FAF1: variants seen among roughly 807,000 people sequenced by gnomAD.
The protein encoded by FAF1 is FAS-associated factor 1.
A neutral mutation model predicts 92.5 loss-of-function variants in FAF1; 25 were observed. That is an observed-to-expected ratio of 0.27 (90% confidence interval 0.20 to 0.38). The LOEUF (loss-of-function observed/expected upper bound fraction) is 0.38. Ranked by LOEUF, FAF1 falls within the 10% of genes least tolerant of loss-of-function variation. The pLI, the probability that FAF1 is intolerant of heterozygous loss-of-function variation, is 1.00. For missense variants in FAF1, 636 were observed against 793.3 expected (o/e 0.80, Z 2.38); for synonymous variants, 234 against 273.2 (o/e 0.86, Z 1.42).
Position 50,695,901 on chromosome 1 carries a change from G to A in FAF1, c.657+9885C>T, listed in dbSNP as rs372170192. The stretch of plus-strand genomic sequence containing the variant: ...TGACCTCAGGTGATCCATTCGCCTC[G>A]TCCTCCCAAAGTACTGGGATTACAG... On this transcript the variant is annotated intron_variant, in intron 7 of 18. Coordinates refer to ENST00000396153, the MANE Select transcript of FAF1 (RefSeq NM_007051.3). Among the ~76,000 whole-genome samples, 29 of 149,932 alleles carry A rather than the reference G, an allele frequency of 1.9e-4. No individual in the cohort carries two copies. The East Asian group carries it at 3.5e-3, about 18-fold the overall frequency.
At chr1:50,937,561 T>C (rs1302333178) in intron 1 of FAF1, among the ~76,000 whole-genome samples, 2 of 152,108 alleles carry the variant, frequency 1.3e-5, no homozygotes, top group African/African-American at 4.8e-5. Context: ...AGAAGGGATT[T>C]CAGCCCTGGG....
rs187755800 is a variant in FAF1 at position 50,676,714 on chromosome 1, C to T, written c.658-21186G>A. On this transcript the variant is annotated intron_variant, in intron 7 of 18. Transcript: ENST00000396153. ...GCAGGTGCCTGTGATCTTAGCTACT[C>T]GGGAGGCTGAGGCAGGAGAATCGCT... 1.5e-3 allele frequency among the ~76,000 whole-genome samples: 224 copies of T among 151,924 alleles called. 1 individual carries two copies. The highest frequency in any genetic ancestry group is 5.0e-3 in the African/African-American group (206 of 41,438).
intron 9 of FAF1, among the ~76,000 whole-genome samples, chr1:50,593,125 C>T (rs1315149463): frequency 6.6e-6 from 1 of 152,000 alleles, no homozygotes; most frequent in Non-Finnish European, 1.5e-5. Context: ...GGGCAAAACT[C>T]CTAATAATAA....
chr1:50,812,465 A>G (rs1447261502), intron 2 of FAF1, among the ~76,000 whole-genome samples: 2 of 152,216 alleles, frequency 1.3e-5, no homozygotes, highest in Admixed American at 1.3e-4. Flanking sequence ...CAGAAAGCAT[A>G]CGAAAAAATG....
At chr1:50,678,448 C>G (rs756895745) in intron 7 of FAF1, among the ~76,000 whole-genome samples, 18 of 152,096 alleles carry the variant, frequency 1.2e-4, no homozygotes, top group Non-Finnish European at 2.5e-4. Flanking sequence ...ATTTTCTTCT[C>G]CAGATCTTTC....
intron 1 of FAF1, among the ~76,000 whole-genome samples, chr1:50,879,795 A>C (rs931934538): frequency 6.6e-6 from 1 of 152,188 alleles, no homozygotes; most frequent in Non-Finnish European, 1.5e-5. Context: ...GGGGTCCAGT[A>C]ATCTGTGTTT....
intron 2 of FAF1, among the ~76,000 whole-genome samples, chr1:50,854,526 A>C (rs773641342): frequency 2.6e-5 from 4 of 152,026 alleles, no homozygotes; most frequent in Non-Finnish European, 4.4e-5. Context: ...ATTTCCTAAA[A>C]GTATTAGTAC....
At chr1:50,652,650 TA>T (rs1212938294) in intron 8 of FAF1, among the ~76,000 whole-genome samples, 1 of 152,242 alleles carries the variant, frequency 6.6e-6, no homozygotes, top group African/African-American at 2.4e-5. Flanking sequence ...AACAGTATAA[TA>T]AACCCAATAT....
intron 7 of FAF1, among the ~76,000 whole-genome samples, chr1:50,667,795 G>A (rs1655700802): frequency 6.6e-6 from 1 of 152,052 alleles, no homozygotes; most frequent in South Asian, 2.1e-4. Flanking sequence ...TTGAAGAAAA[G>A]ACCATTGCTT....
intron 13 of FAF1, among the ~76,000 whole-genome samples, chr1:50,550,627 T>C (rs1390896891): frequency 2.0e-5 from 3 of 152,086 alleles, no homozygotes; most frequent in Non-Finnish European, 4.4e-5. Context: ...CATAAAGGAG[T>C]ATTTAAGGAC....
At chr1:50,717,493 C>T (rs1173107339) in intron 6 of FAF1, among the ~76,000 whole-genome samples, 1 of 152,112 alleles carries the variant, frequency 6.6e-6, no homozygotes, top group East Asian at 1.9e-4. Flanking sequence ...GTTTAAGCTA[C>T]CCAATAAATG....
intron 2 of FAF1, among the ~76,000 whole-genome samples, chr1:50,823,949 T>G (rs925762223): frequency 2.0e-5 from 3 of 152,134 alleles, no homozygotes; most frequent in Non-Finnish European, 4.4e-5. Flanking sequence ...GGGAAGGTAT[T>G]ATACTTAGAT....
chr1:50,554,390 T>TATATAGAGAGAGAGAGAGAGAGAG, intron 13 of FAF1, among the ~76,000 whole-genome samples: 19 of 93,678 alleles, frequency 2.0e-4, no homozygotes, highest in African/African-American at 8.5e-4. Flanking sequence ...TATATATATA[T>TATATAGAGAGAGAGAGAGAGAGAG]AGAGAGAGAG....
At chr1:50,595,097 C>T (rs1464603927) in intron 9 of FAF1, among the ~76,000 whole-genome samples, 1 of 151,482 alleles carries the variant, frequency 6.6e-6, no homozygotes, top group Non-Finnish European at 1.5e-5. Flanking sequence ...TCTTGTTGCC[C>T]AGGCTGGAGT....
chr1:50,893,881 G>A lies in FAF1; in HGVS notation c.46-35884C>T, dbSNP rs761041614. On this transcript the variant is annotated intron_variant, in intron 1 of 18. Coordinates refer to ENST00000396153, the MANE Select transcript of FAF1 (RefSeq NM_007051.3). ...CCTACCTGGTATTCTATTGTACTGC[G>A]GCTGAACTGGCACTCAAACCACAAG... Among the ~76,000 whole-genome samples, 11 of 152,038 alleles carry A rather than the reference G, an allele frequency of 7.2e-5. No individual in the cohort carries two copies. The South Asian group carries it at 8.3e-4, about 11-fold the overall frequency.
At chr1:50,624,603 T>C (rs186795275) in intron 8 of FAF1, among the ~76,000 whole-genome samples, 6 of 152,046 alleles carry the variant, frequency 3.9e-5, no homozygotes, top group Non-Finnish European at 8.8e-5. Flanking sequence ...ATTTTAAAAC[T>C]GAAAAACAGA....
At chr1:50,559,609 CGCAAACCTTGAGTTAAACCATGCT>C (rs1168184645) in intron 13 of FAF1, among the ~76,000 whole-genome samples, 1 of 152,164 alleles carries the variant, frequency 6.6e-6, no homozygotes, top group East Asian at 1.9e-4. Context: ...GCTGGCAGAA[CGCAAACCTTGAGTTAAACCATGCT>C]GCAAATTGAT....
At chr1:50,919,289 G>A (rs1644944144) in intron 1 of FAF1, among the ~76,000 whole-genome samples, 1 of 150,640 alleles carries the variant, frequency 6.6e-6, no homozygotes, top group Non-Finnish European at 1.5e-5. Flanking sequence ...CATGCTGGAG[G>A]GAAATGATAC....
chr1:50,491,591 T>C lies in FAF1; in HGVS notation c.1575+130A>G, dbSNP rs77761089. On this transcript the variant is annotated intron_variant, in intron 16 of 18. Transcript: ENST00000396153. ...TTAATAACCATGGATAGGATTATAT[T>C]CTTTCTGTTAACTAAATCTAGCTTT... The C allele has an allele frequency of 4.8e-3, 3,063 of 631,614 alleles. 60 individuals carry two copies. The highest frequency in any genetic ancestry group is 0.044 in the African/African-American group (2,410 of 54,444). 39.1% of individuals were successfully genotyped at this position (631,614 alleles called of 1,614,324 possible). A position where few individuals can be genotyped will look rare whatever the true frequency, so the allele number is the denominator to read the frequency against.
Sources: gnomAD v4.1 joint callset for allele counts (sites outside exome capture counted in the v4.1 genomes callset) on GRCh38, gnomAD v4.1.1 for gene constraint, MANE v1.5 for transcripts, NCBI Gene and HGNC (gene_info 2026-07-23, HGNC 2026-07-21) for gene names.